KHDRBS2: variants seen among roughly 807,000 people sequenced by gnomAD.
KHDRBS2 encodes the protein KH domain-containing, RNA-binding, signal transduction-associated protein 2.
A neutral mutation model predicts 44.3 loss-of-function variants in KHDRBS2; 26 were observed. The ratio of observed to expected loss-of-function variants is 0.59; its 90% confidence interval spans 0.43 to 0.81. The LOEUF (loss-of-function observed/expected upper bound fraction) is 0.81. KHDRBS2 is among the 40% of genes least tolerant of loss of function. KHDRBS2 has a pLI of 0.00. For synonymous variants in KHDRBS2, 194 were observed against 151.1 expected (o/e 1.28, Z -2.08); for missense variants, 476 against 433.1 (o/e 1.10, Z -0.88).
At chr6:61,659,348 G>C in the KHDRBS2 span, among the ~76,000 whole-genome samples, 1 of 151,734 alleles carries the variant, frequency 6.6e-6, no homozygotes, top group African/African-American at 2.4e-5. Flanking sequence ...GACAGCTAGG[G>C]ATAAGAATGT....
the KHDRBS2 span, among the ~76,000 whole-genome samples, chr6:61,579,689 C>A: frequency 6.6e-6 from 1 of 152,080 alleles, no homozygotes. Context: ...TTTGGCTTAA[C>A]CCTGAGAATT....
At chr6:61,653,375 T>C in the KHDRBS2 span, among the ~76,000 whole-genome samples, 3 of 152,082 alleles carry the variant, frequency 2.0e-5, no homozygotes, top group Non-Finnish European at 4.4e-5. Flanking sequence ...TACATGTTTG[T>C]TAGTAAATAT....
At chr6:62,165,552 G>T (rs1004774690) in intron 2 of KHDRBS2, among the ~76,000 whole-genome samples, 3 of 151,688 alleles carry the variant, frequency 2.0e-5, no homozygotes, top group Admixed American at 2.0e-4. Flanking sequence ...AATCAATCTT[G>T]CATTCCTGAA....
the KHDRBS2 span, among the ~76,000 whole-genome samples, chr6:61,600,135 C>T: frequency 1.3e-5 from 2 of 152,036 alleles, no homozygotes; most frequent in South Asian, 4.2e-4. Context: ...TTATTTTGTA[C>T]CATTCCTTGA....
chr6:61,947,900 C>CA (rs1813687278), intron 4 of KHDRBS2, among the ~76,000 whole-genome samples: 3 of 149,252 alleles, frequency 2.0e-5, no homozygotes, highest in South Asian at 2.1e-4. Flanking sequence ...GACAAAACCC[C>CA]CACACACACA....
intron 7 of KHDRBS2, among the ~76,000 whole-genome samples, chr6:61,712,133 C>T (rs892929457): frequency 3.4e-4 from 51 of 151,838 alleles, no homozygotes; most frequent in African/African-American, 1.2e-3. Context: ...AGCGGAAACA[C>T]ATAAACCTCC....
At chr6:61,981,711 C>T (rs1197592572) in intron 3 of KHDRBS2, among the ~76,000 whole-genome samples, 1 of 152,022 alleles carries the variant, frequency 6.6e-6, no homozygotes, top group Non-Finnish European at 1.5e-5. Context: ...TTTCAGAGAG[C>T]CCCTGGAAAA....
the KHDRBS2 span, among the ~76,000 whole-genome samples, chr6:61,653,184 A>T: frequency 1.3e-5 from 2 of 152,094 alleles, no homozygotes; most frequent in African/African-American, 4.8e-5. Flanking sequence ...AGAGGATGCA[A>T]TTTCTAGTGA....
In KHDRBS2 at chr6:61,772,335, G is replaced by T. The variant is rs910443759; in HGVS notation, c.811-39571C>A. ...AACTAAGATCAGAGCAGAACTGAAG[G>T]AAATAGAGACACAAAAAACCCTTCA... On this transcript the variant is annotated intron_variant, in intron 6 of 8. Transcript: ENST00000281156. Among the ~76,000 whole-genome samples the T allele has an allele frequency of 2.0e-5, 3 of 152,068 alleles. No individual in the cohort carries two copies. In the South Asian group the frequency reaches 6.2e-4, roughly 32 times the overall value.
intron 6 of KHDRBS2, among the ~76,000 whole-genome samples, chr6:61,860,505 G>T (rs1796773200): frequency 6.6e-6 from 1 of 151,834 alleles, no homozygotes; most frequent in African/African-American, 2.4e-5. Flanking sequence ...GTTTGCCAAG[G>T]ATAATAGCCT....
intron 1 of KHDRBS2, among the ~76,000 whole-genome samples, chr6:62,214,091 T>A (rs1829582986): frequency 1.3e-5 from 2 of 152,204 alleles, no homozygotes; most frequent in African/African-American, 4.8e-5. Context: ...CTCTTGCAGG[T>A]CTCTCTGTAT....
chr6:61,554,763 A>G, the KHDRBS2 span, among the ~76,000 whole-genome samples: 1 of 152,134 alleles, frequency 6.6e-6, no homozygotes, highest in Admixed American at 6.6e-5. Context: ...TTCTTCACTT[A>G]TGAAGCTTAC....
intron 2 of KHDRBS2, among the ~76,000 whole-genome samples, chr6:62,076,642 A>G (rs978562316): frequency 1.3e-5 from 2 of 152,054 alleles, no homozygotes; most frequent in Admixed American, 6.6e-5. Flanking sequence ...AGCAAATAAT[A>G]GGGACTTTAA....
intron 7 of KHDRBS2, among the ~76,000 whole-genome samples, chr6:61,700,530 A>T (rs1768485340): frequency 6.6e-6 from 1 of 151,326 alleles, no homozygotes; most frequent in South Asian, 2.1e-4. Flanking sequence ...ATAACTTCTC[A>T]TTTCTTCCAT....
intron 4 of KHDRBS2, among the ~76,000 whole-genome samples, chr6:61,910,044 C>A (rs1805771196): frequency 6.6e-6 from 1 of 152,120 alleles, no homozygotes; most frequent in African/African-American, 2.4e-5. Context: ...TGGGCCATGA[C>A]AAAGAGAACT....
At chr6:61,631,329 A>AGAAG in the KHDRBS2 span, among the ~76,000 whole-genome samples, 1 of 124,658 alleles carries the variant, frequency 8.0e-6, no homozygotes, top group Admixed American at 8.4e-5. Flanking sequence ...AAAAAAAAAA[A>AGAAG]AAAAAAAAGA....
chr6:62,280,980 T>C (rs1455026856), intron 1 of KHDRBS2, among the ~76,000 whole-genome samples: 1 of 152,130 alleles, frequency 6.6e-6, no homozygotes, highest in Admixed American at 6.5e-5. Flanking sequence ...AGATATCCAT[T>C]TCCTCCAATA....
chr6:61,962,423 G>T (rs1336536647), intron 4 of KHDRBS2, among the ~76,000 whole-genome samples: 3 of 152,008 alleles, frequency 2.0e-5, no homozygotes, highest in Non-Finnish European at 4.4e-5. Flanking sequence ...CTCCATTTCA[G>T]TAGTTCCCAA....
At chr6:61,906,734 C>A (rs1006233822) in intron 4 of KHDRBS2, among the ~76,000 whole-genome samples, 2 of 152,068 alleles carry the variant, frequency 1.3e-5, no homozygotes, top group African/African-American at 4.8e-5. Flanking sequence ...GGATTTTATT[C>A]TTTTTATGGC....
Sources: allele counts gnomAD v4.1 joint callset (sites outside exome capture counted in the v4.1 genomes callset), GRCh38; gene constraint gnomAD v4.1.1; transcripts MANE v1.5; gene names NCBI Gene and HGNC (gene_info 2026-07-23, HGNC 2026-07-21).